Variants in PAPSS2 observed in about 807,000 individuals in gnomAD.
PAPSS2 encodes the protein 3'-phosphoadenosine 5'-phosphosulfate synthase 2, also known as bifunctional 3'-phosphoadenosine 5'-phosphosulfate synthase 2.
Under a neutral mutation model 66.5 loss-of-function variants are expected in PAPSS2, and 61 were observed. The ratio of observed to expected loss-of-function variants is 0.92; its 90% CI spans 0.75 to 1.14. The LOEUF (loss-of-function observed/expected upper bound fraction) is 1.14, where lower values mean the gene tolerates loss of function less well. Ranked by LOEUF, PAPSS2 falls within the 50% of genes most tolerant of loss-of-function variation. The probability of loss-of-function intolerance (pLI) is 0.00; values close to 1 mark genes in which losing one functional copy is unlikely to be tolerated. For missense variants in PAPSS2, 708 were observed against 789.6 expected, an observed-to-expected ratio of 0.90 and a Z score of 1.24; for synonymous variants, 289 against 287.5, an observed-to-expected ratio of 1.01 and a Z score of -0.05.
At chr10:87,691,041 A>G (rs544543689) in intron 1 of PAPSS2, among the ~76,000 whole-genome samples, 1 of 152,306 alleles carries the variant, frequency 6.6e-6, no homozygotes, top group South Asian at 2.1e-4. Context: ...CTTTCTACAC[A>G]GTGAATTTTA....
At chr10:87,696,702 C>T (rs1024479785) in intron 1 of PAPSS2, among the ~76,000 whole-genome samples, 1 of 152,098 alleles carries the variant, frequency 6.6e-6, no homozygotes, top group Non-Finnish European at 1.5e-5. Context: ...ATAAAGTTAG[C>T]TATTTTAAGA....
intron 1 of PAPSS2, among the ~76,000 whole-genome samples, chr10:87,706,104 A>ATG (rs1440508568): frequency 5.1e-5 from 4 of 78,104 alleles, no homozygotes; most frequent in African/African-American, 8.5e-5. Context: ...ATATATATAT[A>ATG]TATATGTGTG....
At position 87,714,767 on chromosome 10, in the gene PAPSS2, T is replaced by G. The variant is rs769360691; in HGVS notation, c.543T>G (p.Asp181Glu). The G allele has an allele frequency of 3.1e-6, 5 of 1,608,288 alleles. No homozygotes were observed. The highest frequency in any genetic ancestry group is 4.3e-6 in the Non-Finnish European group (5 of 1,174,718). The change falls in exon 5 of 13, where the codon GAT becomes GAG. Residue 181 changes from aspartate to glutamate, a missense_variant. By Grantham distance (45) the Asp-to-Glu change is conservative. Transcript: ENST00000456849. Reference sequence around the variant, plus strand: ...CAGGATTTACAGGTATTGATTCTGATTATGAGAAACCTGAAACTCCTGAGC... The same window carrying G: ...CAGGATTTACAGGTATTGATTCTGAGTATGAGAAACCTGAAACTCCTGAGC... ...EIKGFTGIDS[D>E]YEKPETPERV...
At chr10:87,687,168 C>CA (rs905075334) in intron 1 of PAPSS2, among the ~76,000 whole-genome samples, 5 of 152,176 alleles carry the variant, frequency 3.3e-5, no homozygotes, top group African/African-American at 7.2e-5. Context: ...TTAGGAGCTG[C>CA]AGGCCTTGTG....
chr10:87,682,490 T>C (rs1204657987), intron 1 of PAPSS2, among the ~76,000 whole-genome samples: 2 of 152,236 alleles, frequency 1.3e-5, no homozygotes, highest in Admixed American at 1.3e-4. Context: ...TGTTCTCCCT[T>C]CTTGAATTGG....
rs139704287 is a variant in PAPSS2 at position 87,745,524 on chromosome 10, T to A, written c.1721+293T>A. On this transcript the variant is annotated intron_variant, in intron 12 of 12. Coordinates refer to ENST00000456849, the MANE Select transcript of PAPSS2 (RefSeq NM_001015880.2). ...GAAGCAACATAGAAAGAGATTGCAA[T>A]GAATATTTATGGTGCACTTGCTCCT... is the stretch of plus-strand genomic sequence containing the variant. Among the ~76,000 whole-genome samples the A allele has an allele frequency of 3.2e-3, 485 of 152,252 alleles. 5 individuals carry two copies. In the Middle Eastern group the frequency reaches 0.072, roughly 23 times the overall value.
At chr10:87,724,975 T>C (rs1194843119) in intron 8 of PAPSS2, among the ~76,000 whole-genome samples, 2 of 151,466 alleles carry the variant, frequency 1.3e-5, no homozygotes, top group African/African-American at 2.4e-5. Context: ...CGAGAAGACC[T>C]GCGGTTCAAG....
intron 1 of PAPSS2, among the ~76,000 whole-genome samples, chr10:87,665,604 C>T (rs1249869630): frequency 3.9e-5 from 6 of 152,188 alleles, no homozygotes; most frequent in African/African-American, 1.4e-4. Context: ...TCCCAGGGAC[C>T]ACCCTCCCCT....
In PAPSS2 at chr10:87,659,881, C is replaced by CGCTGCTGCCGCT. The variant is rs1554860708; in HGVS notation, c.-93_-92insCGCTGCTGCTGC. 2.0e-6 allele frequency: 2 copies of CGCTGCTGCCGCT among 1,015,338 alleles called. No individual in the cohort carries two copies. The highest frequency in any genetic ancestry group is 3.2e-5 in the African/African-American group (2 of 62,364). 62.9% of individuals were successfully genotyped at this position (1,015,338 alleles called of 1,614,324 possible). A position where few individuals can be genotyped will look rare whatever the true frequency, so the allele number is the denominator to read the frequency against. ...ACCTCCTTCCCGGGAGTCCGGCAGCCGCTGCTGCTGCTGCTGCTGCTGCTG... is the reference window on the plus strand; with the variant it reads ...ACCTCCTTCCCGGGAGTCCGGCAGCCGCTGCTGCCGCTGCTGCTGCTGCTGCTGCTGCTGCTG... On this transcript the variant is annotated 5_prime_UTR_variant, in exon 1 of 13. Coordinates refer to ENST00000456849, the MANE Select transcript of PAPSS2 (RefSeq NM_001015880.2).
chr10:87,738,096 C>A (rs1470639594), intron 9 of PAPSS2, among the ~76,000 whole-genome samples: 3 of 152,166 alleles, frequency 2.0e-5, no homozygotes, highest in African/African-American at 7.2e-5. Context: ...TATGTGTATA[C>A]CACATTTTAT....
chr10:87,689,375 A>G (rs1361589357), intron 1 of PAPSS2, among the ~76,000 whole-genome samples: 33 of 148,256 alleles, frequency 2.2e-4, no homozygotes, highest in Admixed American at 2.2e-3. Context: ...CCCACAAAGA[A>G]CTTGTGGCCT....
At chr10:87,712,842 C>G (rs1853479232) in intron 2 of PAPSS2, among the ~76,000 whole-genome samples, 1 of 152,110 alleles carries the variant, frequency 6.6e-6, no homozygotes, top group South Asian at 2.1e-4. Flanking sequence ...CCAAATCTCC[C>G]TATTTATGAA....
chr10:87,706,098 ATATATATATATGTGTGTG>A (rs1853382118), intron 1 of PAPSS2, among the ~76,000 whole-genome samples: 1 of 83,386 alleles, frequency 1.2e-5, no homozygotes, highest in East Asian at 3.3e-4. Flanking sequence ...ATATATATAT[ATATATATATATGTGTGTG>A]TGTGTGTGTG....
intron 9 of PAPSS2, among the ~76,000 whole-genome samples, chr10:87,734,556 A>T (rs1428828627): frequency 6.6e-6 from 1 of 150,982 alleles, no homozygotes; most frequent in Non-Finnish European, 1.5e-5. Flanking sequence ...CCTCTGTAAA[A>T]CTGCCTTCTC....
intron 7 of PAPSS2, among the ~76,000 whole-genome samples, chr10:87,716,251 A>C (rs1391638812): frequency 6.6e-6 from 1 of 152,166 alleles, no homozygotes; most frequent in Admixed American, 6.5e-5. Context: ...CAGGTTGCTC[A>C]TGTCAAGCAT....
intron 9 of PAPSS2, among the ~76,000 whole-genome samples, chr10:87,732,129 A>G (rs1853737455): frequency 6.6e-6 from 1 of 152,230 alleles, no homozygotes; most frequent in African/African-American, 2.4e-5. Context: ...TTTAGCAACC[A>G]TCACCCTGAT....
At chr10:87,662,909 T>C (rs543019130) in intron 1 of PAPSS2, among the ~76,000 whole-genome samples, 1 of 151,798 alleles carries the variant, frequency 6.6e-6, no homozygotes, top group South Asian at 2.1e-4. Flanking sequence ...AGTCTCACTC[T>C]GTCACCCAGG....
chr10:87,707,316 G>A (rs1251901390), intron 1 of PAPSS2, among the ~76,000 whole-genome samples: 1 of 152,150 alleles, frequency 6.6e-6, no homozygotes, highest in Non-Finnish European at 1.5e-5. Context: ...AGGCCGGTAG[G>A]GTCCCCTAAG....
At chr10:87,674,814 C>CT (rs1372703235) in intron 1 of PAPSS2, among the ~76,000 whole-genome samples, 2 of 152,084 alleles carry the variant, frequency 1.3e-5, no homozygotes, top group Non-Finnish European at 2.9e-5. Flanking sequence ...TACCGTAATT[C>CT]TTTTTCTTTT....
Sources: gnomAD v4.1 joint callset for allele counts (sites outside exome capture counted in the v4.1 genomes callset) on GRCh38, gnomAD v4.1.1 for gene constraint, MANE v1.5 for transcripts, NCBI Gene and HGNC (gene_info 2026-07-23, HGNC 2026-07-21) for gene names.